Variants in SPATC1 observed in about 807,000 individuals in gnomAD.
SPATC1 encodes speriolin.
In SPATC1, 35 loss-of-function variants were observed where a neutral mutation model predicts 36.5. That is an observed-to-expected ratio of 0.96 (90% confidence interval 0.73 to 1.27). SPATC1 has a LOEUF of 1.27. Among genes scored for constraint, SPATC1 ranks in the 50% most tolerant of loss-of-function variants. SPATC1 has a pLI of 0.00. For missense variants in SPATC1, 779 were observed against 796.0 expected (o/e 0.98, Z 0.26); for synonymous variants, 361 against 353.6 (o/e 1.02, Z -0.24).
At position 144,040,439 on chromosome 8, in the gene SPATC1, G is replaced by A. The variant is rs782723126; in HGVS notation, c.742G>A (p.Val248Met). ...GPTGPQSPAC[V>M]VPTATTKVPL... ...CACTGGGCCCCAGTCCCCAGCTTGC[G>A]TGGTACCCACTGCCACCACCAAAGG... is the stretch of plus-strand genomic sequence containing the variant. Residue 248 changes from valine to methionine, a missense_variant, in exon 2 of 5, where the codon GTG (valine) becomes ATG (methionine). By Grantham distance (21) the Val-to-Met change is conservative (BLOSUM62 1). Transcript: ENST00000377470. The A allele has an allele frequency of 2.2e-5, 36 of 1,603,498 alleles. No individual in the cohort carries two copies. Among genetic ancestry groups the A allele is most frequent in the Middle Eastern group, 1.7e-4 (1 of 6,020 alleles).
rs1463003495 is a variant in SPATC1, at chr8:144,039,804, T to C, written c.212-105T>C. ...GACCAGTCAGCTCATCGGGGACAGA[T>C]GGGCACTATGGCCAGGCCCTACCAC... On this transcript the variant is annotated intron_variant, in intron 1 of 4. Coordinates refer to ENST00000377470, the MANE Select transcript of SPATC1 (RefSeq NM_198572.3). 16 of 1,232,030 alleles carry C rather than the reference T, an allele frequency of 1.3e-5. No individual in the cohort carries two copies. The East Asian group carries it at 3.3e-4, about 25-fold the overall frequency. The allele number at this position is 1,232,030 out of a possible 1,614,324, so 76.3% of individuals were successfully genotyped here. A position where few individuals can be genotyped will look rare whatever the true frequency, so the allele number is the denominator to read the frequency against.
intron 1 of SPATC1, among the ~76,000 whole-genome samples, chr8:144,019,842 C>G (rs1834468116): frequency 6.6e-6 from 1 of 151,998 alleles, no homozygotes; most frequent in Non-Finnish European, 1.5e-5. Flanking sequence ...CCACCCCTCC[C>G]TCACCCGAGC....
At position 144,041,324 on chromosome 8, in the gene SPATC1, C is replaced by T. The variant is rs782370472; in HGVS notation, c.1399C>T (p.Arg467Trp). ...ILSSIFPERV[R>W]LYGFTVSNIP... Reference sequence around the variant, plus strand: ...GTCCAGCATCTTCCCAGAGCGCGTACGGCTCTACGGCTTCACTGTCTCCAA... The same window carrying T: ...GTCCAGCATCTTCCCAGAGCGCGTATGGCTCTACGGCTTCACTGTCTCCAA... The change falls in exon 4 of 5, where the codon CGG (arginine) becomes TGG (tryptophan). Residue 467 changes from arginine to tryptophan, a missense_variant. Transcript: ENST00000377470. 19 of 1,612,432 alleles carry T rather than the reference C, an allele frequency of 1.2e-5. No individual in the cohort carries two copies. Among genetic ancestry groups the T allele is most frequent in the Admixed American group, 3.3e-5 (2 of 60,002 alleles).
At chr8:144,037,938 G>A (rs1332690958) in intron 1 of SPATC1, among the ~76,000 whole-genome samples, 1 of 151,782 alleles carries the variant, frequency 6.6e-6, no homozygotes, top group East Asian at 1.9e-4. Context: ...GACCATCCTG[G>A]CTAACACGGT....
chr8:144,013,292 G>C (rs1485491959), intron 1 of SPATC1, among the ~76,000 whole-genome samples: 1 of 151,888 alleles, frequency 6.6e-6, no homozygotes. Flanking sequence ...CCAGGCTCTG[G>C]GTCCAGGCCC....
rs370576385 is a variant in SPATC1, at chr8:144,040,274, G to T, written c.577G>T (p.Val193Phe). The T allele has an allele frequency of 1.2e-6, 2 of 1,612,774 alleles. No homozygotes were observed. Residue 193 changes from valine to phenylalanine, a missense_variant, in exon 2 of 5, where the codon GTC (valine) becomes TTC (phenylalanine). Coordinates refer to ENST00000377470, the MANE Select transcript of SPATC1 (RefSeq NM_198572.3). Reference sequence around the variant, plus strand: ...AGCCCCTGTGATGGGCACGGTGGCTGTCTCTCTGAGCAGCCCCCTCCTCAG... The same window carrying T: ...AGCCCCTGTGATGGGCACGGTGGCTTTCTCTCTGAGCAGCCCCCTCCTCAG... Reference protein sequence around the residue: ...LIAPVMGTVAVSLSSPLLSST... With the variant: ...LIAPVMGTVAFSLSSPLLSST...
chr8:144,045,646 C>T lies in SPATC1; in HGVS notation c.1447-981C>T, dbSNP rs1250175384. Among the ~76,000 whole-genome samples, 1 of 152,218 alleles carries T rather than the reference C, an allele frequency of 6.6e-6. No homozygotes were observed. Among genetic ancestry groups the T allele is most frequent in the East Asian group, 1.9e-4 (1 of 5,200 alleles). On this transcript the variant is annotated intron_variant, in intron 4 of 4. Coordinates refer to ENST00000377470, the MANE Select transcript of SPATC1 (RefSeq NM_198572.3). This position sits in a 1 kb window ranked among gnomAD's most constrained non-coding sequence, Gnocchi z 5.2. ...GAGCTTGGGCAGGGGATAGCCCACC[C>T]AACTCCACTTTAGACCCGTGGCTCT... is the stretch of plus-strand genomic sequence containing the variant.
At chr8:144,017,560 G>A (rs1554753400) in intron 1 of SPATC1, among the ~76,000 whole-genome samples, 1 of 152,172 alleles carries the variant, frequency 6.6e-6, no homozygotes, top group Admixed American at 6.5e-5. Flanking sequence ...GCAGGACAGA[G>A]CTCAGATGGG....
Position 144,045,066 on chromosome 8 carries a change from AC to A in SPATC1, c.1447-1556del, listed in dbSNP as rs1835223066. 6.6e-6 allele frequency among the ~76,000 whole-genome samples: 1 copy of A among 152,118 alleles called. No homozygotes were observed. Among genetic ancestry groups the A allele is most frequent in the African/African-American group, 2.4e-5 (1 of 41,428 alleles). The stretch of plus-strand genomic sequence containing the variant: ...GTGCTCACTGGGGCCGCTGCCTGTA[AC>A]CCCCAGTACACTCCTGCAGGAGGCA... On this transcript the variant is annotated intron_variant, in intron 4 of 4. Coordinates refer to ENST00000377470, the MANE Select transcript of SPATC1 (RefSeq NM_198572.3). The surrounding 1 kb of genome is among the most constrained non-coding windows in gnomAD (Gnocchi z 5.2).
At chr8:144,014,745 C>G (rs1333591233) in intron 1 of SPATC1, among the ~76,000 whole-genome samples, 1 of 152,294 alleles carries the variant, frequency 6.6e-6, no homozygotes, top group South Asian at 2.1e-4. Flanking sequence ...AAGTGTCTGG[C>G]CCCAGGGATT....
chr8:144,040,936 CCCCACTGT>C lies in SPATC1; in HGVS notation c.1138_1145del (p.His380SerfsTer19). 6.2e-7 allele frequency: 1 copy of C among 1,600,416 alleles called. No homozygotes were observed. The highest frequency in any genetic ancestry group is 1.1e-5 in the South Asian group (1 of 89,296). ...TTCCCCAACCCAGAACCTGCCTGTCCCCCACTGTCCTCCACACAACGCCCACTCCCCAC... is the reference window on the plus strand; with the variant it reads ...TTCCCCAACCCAGAACCTGCCTGTCCCCTCCACACAACGCCCACTCCCCAC... On this transcript the variant is annotated frameshift_variant, in exon 3 of 5. Coordinates refer to ENST00000377470, the MANE Select transcript of SPATC1 (RefSeq NM_198572.3). LOFTEE classifies it high-confidence loss of function.
At chr8:144,038,832 C>T (rs782508599) in intron 1 of SPATC1, among the ~76,000 whole-genome samples, 2 of 152,186 alleles carry the variant, frequency 1.3e-5, no homozygotes, top group Non-Finnish European at 2.9e-5. Flanking sequence ...CATTCACCTC[C>T]GGGTTGCCCG....
At chr8:144,041,495 G>A in intron 4 of SPATC1, 124 bp downstream of exon 4, 1 of 1,275,340 alleles carries the variant, frequency 7.8e-7, no homozygotes, top group Non-Finnish European at 1.1e-6. Flanking sequence ...AGAGGAAGCT[G>A]ACTGCTCAGT....
In SPATC1 at chr8:144,013,336, G is replaced by A. The variant is rs79087089; in HGVS notation, c.211+610G>A. Among the ~76,000 whole-genome samples, 1,279 of 152,174 alleles carry A rather than the reference G, an allele frequency of 8.4e-3. 17 individuals carry two copies. The highest frequency in any genetic ancestry group is 0.029 in the African/African-American group (1,208 of 41,500). On this transcript the variant is annotated intron_variant, in intron 1 of 4. Coordinates refer to ENST00000377470, the MANE Select transcript of SPATC1 (RefSeq NM_198572.3). ...CACCCTCAGCCAGCGTACCCACAGCGCAGCTTCAACTCTCCACTAGAACTC... is the reference window on the plus strand; with the variant it reads ...CACCCTCAGCCAGCGTACCCACAGCACAGCTTCAACTCTCCACTAGAACTC...
rs782531892 is a variant in SPATC1, at chr8:144,040,877, A to C, written c.1076A>C (p.Gln359Pro). 75 of 1,442,870 alleles carry C rather than the reference A, an allele frequency of 5.2e-5. No individual in the cohort carries two copies. The highest frequency in any genetic ancestry group is 6.6e-5 in the Non-Finnish European group (71 of 1,081,206). The allele number at this position is 1,442,870 out of a possible 1,614,324, so 89.4% of individuals were successfully genotyped here. ...CCCTCAAGCACCACCCACATCGCCC[A>C]GGGTGCCCCCCATCCCCCTTCCCGA... Reference protein sequence around the residue: ...YTPSSTTHIAQGAPHPPSRMH... With the variant: ...YTPSSTTHIAPGAPHPPSRMH... Residue 359 changes from glutamine to proline, a missense_variant, in exon 3 of 5, where the codon CAG (glutamine) becomes CCG (proline). By Grantham distance (76) the Gln-to-Pro change is moderately conservative. Coordinates refer to ENST00000377470, the MANE Select transcript of SPATC1 (RefSeq NM_198572.3).
Position 144,040,678 on chromosome 8 carries a change from C to A in SPATC1, c.877C>A (p.Pro293Thr). 6.2e-7 allele frequency: 1 copy of A among 1,613,844 alleles called. No homozygotes were observed. Among genetic ancestry groups the A allele is most frequent in the Non-Finnish European group, 8.5e-7 (1 of 1,179,972 alleles). The change falls in exon 3 of 5, where the codon CCT becomes ACT. Residue 293 changes from proline (P) to threonine (T), a missense_variant. Transcript: ENST00000377470. Reference protein sequence around the residue: ...TSTPIGAMGTPAPKTAFSFNT... With the variant: ...TSTPIGAMGTTAPKTAFSFNT... ...CACCCCTATCGGAGCCATGGGCACA[C>A]CTGCTCCCAAGACGGCCTTCTCCTT...
intron 4 of SPATC1, among the ~76,000 whole-genome samples, chr8:144,044,114 C>G (rs1242413635): frequency 6.6e-6 from 1 of 152,182 alleles, no homozygotes; most frequent in East Asian, 1.9e-4. Context: ...CCAGGCAGTC[C>G]TGAGTCAATC....
chr8:144,046,945 T>G lies in SPATC1; in HGVS notation c.1765T>G (p.Phe589Val). 1 of 1,596,848 alleles carries G rather than the reference T, an allele frequency of 6.3e-7. No homozygotes were observed. The highest frequency in any genetic ancestry group is 8.5e-7 in the Non-Finnish European group (1 of 1,178,696). The change falls in exon 5 of 5, where the codon TTC becomes GTC. Residue 589 changes from phenylalanine to valine, a missense_variant. Transcript: ENST00000377470. This position sits in a 1 kb window ranked among gnomAD's most constrained non-coding sequence, Gnocchi z 6.6. ...GGCGCACGATGACGGCAAGCCCATG[T>G]TCATCTGGTGACGCTGGAGCTGGGA... Reference protein sequence around the residue: ...QLAHDDGKPMFIW With the variant: ...QLAHDDGKPMVIW
chr8:144,026,618 A>T (rs1834682601), intron 1 of SPATC1, among the ~76,000 whole-genome samples: 1 of 152,132 alleles, frequency 6.6e-6, no homozygotes, highest in African/African-American at 2.4e-5. Flanking sequence ...ATGTGTTATC[A>T]TCTGATGTTT....
Sources: allele counts gnomAD v4.1 joint callset (sites outside exome capture counted in the v4.1 genomes callset), GRCh38; gene constraint gnomAD v4.1.1; non-coding constraint Gnocchi (gnomAD v3.1); transcripts MANE v1.5; gene names NCBI Gene and HGNC (gene_info 2026-07-23, HGNC 2026-07-21).